The following ZFP30 variants were observed in gnomAD, a reference collection of about 807,000 sequenced individuals.
ZFP30 encodes the protein zinc finger protein 30 homolog.
In ZFP30, 16 loss-of-function variants were observed where a neutral mutation model predicts 12.3. That is an observed-to-expected ratio of 1.30 (90% CI 0.88 to 1.98). The LOEUF is 1.98. Ranked by LOEUF, ZFP30 falls within the 30% of genes most tolerant of loss-of-function variation. The pLI is 0.00. For synonymous variants in ZFP30, 172 were observed against 201.0 expected, an observed-to-expected ratio of 0.86 and a Z score of 1.22; for missense variants, 560 against 611.2, an observed-to-expected ratio of 0.92 and a Z score of 0.88.
At chr19:37,646,535 T>C (rs1364782021) in intron 3 of ZFP30, among the ~76,000 whole-genome samples, 4 of 152,032 alleles carry the variant, frequency 2.6e-5, no homozygotes, top group Admixed American at 6.6e-5. Flanking sequence ...GTAAAACATA[T>C]TGATGATTTA....
Position 37,636,129 on chromosome 19 carries a change from T to C in ZFP30, c.412A>G (p.Thr138Ala), listed in dbSNP as rs113160531. The change falls in exon 6 of 6, where the codon ACT becomes GCT. Residue 138 changes from threonine to alanine, a missense_variant. By Grantham distance (58) the Thr-to-Ala change is moderately conservative. Coordinates refer to ENST00000684514, the MANE Select transcript of ZFP30 (RefSeq NM_001320669.3). Reference protein sequence around the residue: ...VTKTTSEKMPTYRKLTSLPLY... With the variant: ...VTKTTSEKMPAYRKLTSLPLY... The stretch of plus-strand genomic sequence containing the variant: ...GGAAGAGATGTGAGTTTTCTGTAAG[T>C]AGGCATTTTTTCAGAGGTGGTTTTT... The C allele has an allele frequency of 7.0e-4, 1,125 of 1,614,208 alleles. 1 individual carries two copies. The highest frequency in any genetic ancestry group is 8.3e-4 in the Non-Finnish European group (974 of 1,180,040).
chr19:37,650,836 C>T (rs1242821738), intron 2 of ZFP30, among the ~76,000 whole-genome samples: 1 of 151,650 alleles, frequency 6.6e-6, no homozygotes, highest in Non-Finnish European at 1.5e-5. Flanking sequence ...CTGGGTTCAA[C>T]CGATTCTCTG....
At chr19:37,646,693 A>C (rs572624898) in intron 3 of ZFP30, among the ~76,000 whole-genome samples, 2 of 152,276 alleles carry the variant, frequency 1.3e-5, no homozygotes, top group South Asian at 4.1e-4. Flanking sequence ...CTCCCACCTC[A>C]GTTTCCCAAA....
chr19:37,651,097 T>A (rs924511028), intron 2 of ZFP30, among the ~76,000 whole-genome samples: 2 of 152,206 alleles, frequency 1.3e-5, no homozygotes, highest in Admixed American at 6.5e-5. Context: ...CAGTTTACAT[T>A]ACTGTGACTA....
chr19:37,649,103 G>T (rs1292675430), intron 2 of ZFP30, among the ~76,000 whole-genome samples: 3 of 151,904 alleles, frequency 2.0e-5, no homozygotes, highest in Non-Finnish European at 4.4e-5. Flanking sequence ...AAATTAGCTG[G>T]GTGTGTTGGC....
chr19:37,640,589 T>G, intron 5 of ZFP30, among the ~76,000 whole-genome samples: 1 of 151,326 alleles, frequency 6.6e-6, no homozygotes, highest in East Asian at 1.9e-4. Context: ...TCAGCTTTAA[T>G]TAAAAATAAA....
chr19:37,631,886 T>C lies in ZFP30; in HGVS notation c.*3095A>G, dbSNP rs577534978. 1 of 152,256 alleles carries C rather than the reference T, an allele frequency of 6.6e-6. No homozygotes were observed. Among genetic ancestry groups the C allele is most frequent in the East Asian group, 1.9e-4 (1 of 5,176 alleles). 9.4% of individuals were successfully genotyped at this position (152,256 alleles called of 1,614,324 possible). On this transcript the variant is annotated 3_prime_UTR_variant, in exon 6 of 6. Coordinates refer to ENST00000684514, the MANE Select transcript of ZFP30 (RefSeq NM_001320669.3). ...GTTGGATATAATTTCCCATAGAAATTAGAATTACCAGATTTCTCTTCATAC... is the reference window on the plus strand; with the variant it reads ...GTTGGATATAATTTCCCATAGAAATCAGAATTACCAGATTTCTCTTCATAC...
rs1004168605 is a variant in ZFP30 at position 37,632,257 on chromosome 19, A to G, written c.*2724T>C. 7 of 152,212 alleles carry G rather than the reference A, an allele frequency of 4.6e-5. No individual in the cohort carries two copies. Among genetic ancestry groups the G allele is most frequent in the African/African-American group, 2.4e-5 (1 of 41,550 alleles). The allele number at this position is 152,212 out of a possible 1,614,324, so 9.4% of individuals were successfully genotyped here. On this transcript the variant is annotated 3_prime_UTR_variant, in exon 6 of 6. Coordinates refer to ENST00000684514, the MANE Select transcript of ZFP30 (RefSeq NM_001320669.3). ...ACCATAAAATAATTCTGGATTTTCAATATTTTAAAATACATGTATAGTGTG... is the reference window on the plus strand; with the variant it reads ...ACCATAAAATAATTCTGGATTTTCAGTATTTTAAAATACATGTATAGTGTG...
intron 2 of ZFP30, among the ~76,000 whole-genome samples, chr19:37,652,429 G>C (rs560560382): frequency 6.6e-6 from 1 of 152,046 alleles, no homozygotes; most frequent in Non-Finnish European, 1.5e-5. Context: ...TTAGCTGGGC[G>C]TGATGGCAGG....
Position 37,633,466 on chromosome 19 carries a change from G to C in ZFP30, c.*1515C>G, listed in dbSNP as rs1394078998. 2 of 152,038 alleles carry C rather than the reference G, an allele frequency of 1.3e-5. No homozygotes were observed. Among genetic ancestry groups the C allele is most frequent in the Non-Finnish European group, 2.9e-5 (2 of 68,090 alleles). The allele number at this position is 152,038 out of a possible 1,614,324, so 9.4% of individuals were successfully genotyped here. ...CCTCCTGGGTTCAAGTGATTCTCCT[G>C]TCTCAGCTGCCCGAGTAGCTGGGAT... is the stretch of plus-strand genomic sequence containing the variant. On this transcript the variant is annotated 3_prime_UTR_variant, in exon 6 of 6. Coordinates refer to ENST00000684514, the MANE Select transcript of ZFP30 (RefSeq NM_001320669.3).
In ZFP30 at chr19:37,635,632, A is replaced by G. The variant is rs758925918; in HGVS notation, c.909T>C (p.Cys303=). 1 of 1,614,144 alleles carries G rather than the reference A, an allele frequency of 6.2e-7. No individual in the cohort carries two copies. Among genetic ancestry groups the G allele is most frequent in the Admixed American group, 1.7e-5 (1 of 60,028 alleles). The change falls in exon 6 of 6, where the codon TGT becomes TGC. Residue 303 remains cysteine (C), a synonymous_variant. Coordinates refer to ENST00000684514, the MANE Select transcript of ZFP30 (RefSeq NM_001320669.3). ...CTGTACTACACAGAAAGGCCTGACCACATTCCTTACACTCATAGCACTTCT... is the reference window on the plus strand; with the variant it reads ...CTGTACTACACAGAAAGGCCTGACCGCATTCCTTACACTCATAGCACTTCT... ...IAEKCYECKE[C]GQAFLCSTGL...
Position 37,635,967 on chromosome 19 carries a change from C to T in ZFP30, c.574G>A (p.Gly192Arg). ...TGGGCACACTGTCTAAAGGCTTTTC[C>T]ACATTCTTTACATTCATAGGGTTTC... The part of the protein sequence containing the change: ...GEKPYECKEC[G>R]KAFRQCAHLS... The change falls in exon 6 of 6, where the codon GGA becomes AGA. Residue 192 changes from glycine to arginine, a missense_variant. Transcript: ENST00000684514. 1 of 1,614,132 alleles carries T rather than the reference C, an allele frequency of 6.2e-7. No homozygotes were observed. The highest frequency in any genetic ancestry group is 8.5e-7 in the Non-Finnish European group (1 of 1,180,018).
chr19:37,655,693 C>A (rs566225557), upstream of ZFP30: 1 of 152,294 alleles, frequency 6.6e-6, no homozygotes, highest in South Asian at 2.1e-4. Context: ...CAGGCCTGCT[C>A]CCCTGTGGAC....
chr19:37,642,861 G>A (rs2044462512), intron 5 of ZFP30, among the ~76,000 whole-genome samples: 1 of 151,888 alleles, frequency 6.6e-6, no homozygotes, highest in Non-Finnish European at 1.5e-5. Flanking sequence ...GACCATCCTG[G>A]CTAACATGGT....
At chr19:37,640,572 C>T (rs1406770836) in intron 5 of ZFP30, among the ~76,000 whole-genome samples, 3 of 151,218 alleles carry the variant, frequency 2.0e-5, no homozygotes, top group Admixed American at 6.6e-5. Context: ...TTTCCATTTA[C>T]AGGGCATCAG....
At chr19:37,652,250 T>C (rs2044665779) in intron 2 of ZFP30, among the ~76,000 whole-genome samples, 2 of 152,120 alleles carry the variant, frequency 1.3e-5, no homozygotes, top group Admixed American at 1.3e-4. Flanking sequence ...AAATTTGCAA[T>C]TAGTATTAGC....
intron 2 of ZFP30, among the ~76,000 whole-genome samples, chr19:37,650,971 C>T (rs568658079): frequency 6.6e-6 from 1 of 151,978 alleles, no homozygotes; most frequent in African/African-American, 2.4e-5. Context: ...CTCCTGGGCT[C>T]ATGTGATCGA....
At chr19:37,640,512 T>A (rs1414509921) in intron 5 of ZFP30, among the ~76,000 whole-genome samples, 1 of 151,202 alleles carries the variant, frequency 6.6e-6, no homozygotes, top group Non-Finnish European at 1.5e-5. Context: ...GCACTGCTAA[T>A]GTGAAAACAA....
intron 2 of ZFP30, among the ~76,000 whole-genome samples, chr19:37,650,250 C>G (rs1475982548): frequency 6.6e-6 from 1 of 151,898 alleles, no homozygotes; most frequent in Non-Finnish European, 1.5e-5. Context: ...TCCTGAGTAG[C>G]TGGGACTAAA....
Sources: gnomAD v4.1 joint callset for allele counts (sites outside exome capture counted in the v4.1 genomes callset) on GRCh38, gnomAD v4.1.1 for gene constraint, MANE v1.5 for transcripts, NCBI Gene and HGNC (gene_info 2026-07-23, HGNC 2026-07-21) for gene names.